The following HINFP variants were observed in gnomAD, a reference collection of about 807,000 sequenced individuals.
The protein encoded by HINFP is histone H4 transcription factor.
HINFP carries 20 observed loss-of-function variants against 50.1 expected under a neutral mutation model. That is an observed-to-expected ratio of 0.40 (90% CI 0.28 to 0.58). HINFP has a LOEUF of 0.58. Among genes scored for constraint, HINFP ranks in the 20% least tolerant of loss-of-function variants. HINFP has a pLI of 0.45. For synonymous variants in HINFP, 247 were observed against 243.7 expected (o/e 1.01, Z -0.13); for missense variants, 505 against 664.1 (o/e 0.76, Z 2.63).
intron 1 of HINFP, chr11:119,123,722 T>A (rs1392224379): frequency 6.8e-6 from 1 of 147,264 alleles, no homozygotes; most frequent in Admixed American, 6.8e-5. Context: ...TTTTTTTTTT[T>A]TTTTTTTTTG....
chr11:119,126,589 C>G (rs934994157), intron 1 of HINFP: 110 of 176,598 alleles, frequency 6.2e-4, no homozygotes, highest in African/African-American at 2.5e-3. Context: ...CCTGATCCTT[C>G]TCAAAAGCCA....
intron 2 of HINFP, among the ~76,000 whole-genome samples, chr11:119,129,087 C>T (rs1947595112): frequency 6.6e-6 from 1 of 152,000 alleles, no homozygotes; most frequent in African/African-American, 2.4e-5. Flanking sequence ...GTTGCTCAGG[C>T]TAGAGTGCAA....
At position 119,134,363 on chromosome 11, in the gene HINFP, A is replaced by G; in HGVS notation, c.1419A>G (p.Gln473=). 1.2e-6 allele frequency: 2 copies of G among 1,614,170 alleles called. No individual in the cohort carries two copies. Among genetic ancestry groups the G allele is most frequent in the Non-Finnish European group, 8.5e-7 (1 of 1,180,000 alleles). ...VIHVVNQTNA[Q]GQQEIVYYVL... ...ACGTGGTGAATCAGACCAATGCCCA[A>G]GGCCAGCAAGAGATCGTCTACTATG... Residue 473 remains glutamine, a synonymous_variant, in exon 10 of 10, where the codon CAA becomes CAG. Transcript: ENST00000350777. This position sits in a 1 kb window ranked among gnomAD's most constrained non-coding sequence, Gnocchi z 4.3.
At chr11:119,122,113 A>G (rs1461723949) in intron 1 of HINFP, 2 of 152,198 alleles carry the variant, frequency 1.3e-5, no homozygotes, top group Non-Finnish European at 2.9e-5. Flanking sequence ...TGAATACCAC[A>G]GTTCATTCAT....
chr11:119,132,025 T>G (rs200712858), intron 5 of HINFP, 43 bp downstream of exon 5: 2 of 1,608,658 alleles, frequency 1.2e-6, no homozygotes, highest in East Asian at 4.5e-5. Context: ...GCTGTCCTGC[T>G]TGGAATGGGT....
rs1413058372 is a variant in HINFP at position 119,134,548 on chromosome 11, G to C, written c.*50G>C. 1 of 1,455,714 alleles carries C rather than the reference G, an allele frequency of 6.9e-7. No individual in the cohort carries two copies. Among genetic ancestry groups the C allele is most frequent in the South Asian group, 1.3e-5 (1 of 74,692 alleles). The allele number at this position is 1,455,714 out of a possible 1,614,324, so 90.2% of individuals were successfully genotyped here. ...TCCCCAGGTCCTGAAGTTTGAGCCAGGCAAGTGGCAGTGCCCCTAGTGGGC... is the reference window on the plus strand; with the variant it reads ...TCCCCAGGTCCTGAAGTTTGAGCCACGCAAGTGGCAGTGCCCCTAGTGGGC... On this transcript the variant is annotated 3_prime_UTR_variant, in exon 10 of 10. Transcript: ENST00000350777. This position sits in a 1 kb window ranked among gnomAD's most constrained non-coding sequence, Gnocchi z 4.3.
intron 2 of HINFP, among the ~76,000 whole-genome samples, chr11:119,129,490 C>CTTTTTTTTCTTTTTTTTTTTTTTTTT (rs776476604): frequency 1.6e-5 from 2 of 124,192 alleles, no homozygotes; most frequent in African/African-American, 6.1e-5. Context: ...TTTTTCTTTT[C>CTTTTTTTTCTTTTTTTTTTTTTTTTT]TTTTTTTTTT....
In HINFP at chr11:119,134,804, T is replaced by G. The variant is rs1947984950; in HGVS notation, c.*306T>G. On this transcript the variant is annotated 3_prime_UTR_variant, in exon 10 of 10. Transcript: ENST00000350777. This position sits in a 1 kb window ranked among gnomAD's most constrained non-coding sequence, Gnocchi z 4.3. ...ACCCTCAAGATCTGCTTGACAGTGA[T>G]TAAATCCTTAGCTCACATCCATTCC... 1 of 272,196 alleles carries G rather than the reference T, an allele frequency of 3.7e-6. No homozygotes were observed. The highest frequency in any genetic ancestry group is 4.7e-5 in the Admixed American group (1 of 21,268). The allele number at this position is 272,196 out of a possible 1,614,324, so 16.9% of individuals were successfully genotyped here. A position where few individuals can be genotyped will look rare whatever the true frequency, so the allele number is the denominator to read the frequency against.
rs2134997144 is a variant in HINFP, at chr11:119,121,587, C to G, written c.-63C>G. ...CTTGACCGTCCCTCAAGCGCCTCTCCGGAGATGGTCTGAGGTGGGAGAAGA... is the reference window on the plus strand; with the variant it reads ...CTTGACCGTCCCTCAAGCGCCTCTCGGGAGATGGTCTGAGGTGGGAGAAGA... On this transcript the variant is annotated 5_prime_UTR_variant, in exon 1 of 10. Transcript: ENST00000350777. The G allele has an allele frequency of 6.6e-6, 1 of 152,434 alleles. No homozygotes were observed. Among genetic ancestry groups the G allele is most frequent in the South Asian group, 2.1e-4 (1 of 4,836 alleles). 9.4% of individuals were successfully genotyped at this position (152,434 alleles called of 1,614,324 possible).
chr11:119,126,430 T>G (rs1364526920), intron 1 of HINFP: 1 of 151,948 alleles, frequency 6.6e-6, no homozygotes, highest in Non-Finnish European at 1.5e-5. Flanking sequence ...AATAAAATGC[T>G]TACTGTGGTG....
rs1947996200 is a variant in HINFP at position 119,135,017 on chromosome 11, A to AGTT, written c.*519_*520insGTT. The stretch of plus-strand genomic sequence containing the variant: ...GGAGGCATTGAGCGTGTTTATTAAC[A>AGTT]AATTGTTTTTGGTAATAAAATAAAT... On this transcript the variant is annotated 3_prime_UTR_variant, in exon 10 of 10. Coordinates refer to ENST00000350777, the MANE Select transcript of HINFP (RefSeq NM_198971.3). 6.5e-6 allele frequency: 1 copy of AGTT among 153,178 alleles called. No homozygotes were observed. The highest frequency in any genetic ancestry group is 2.4e-5 in the African/African-American group (1 of 41,480). 9.5% of individuals were successfully genotyped at this position (153,178 alleles called of 1,614,324 possible). A position where few individuals can be genotyped will look rare whatever the true frequency, so the allele number is the denominator to read the frequency against.
rs769695532 is a variant in HINFP, at chr11:119,127,038, T to C, written c.94T>C (p.Phe32Leu). The C allele has an allele frequency of 3.7e-6, 6 of 1,614,102 alleles. No individual in the cohort carries two copies. The highest frequency in any genetic ancestry group is 4.2e-6 in the Non-Finnish European group (5 of 1,180,012). The change falls in exon 2 of 10, where the codon TTC becomes CTC. Residue 32 changes from phenylalanine to leucine, a missense_variant. Physicochemically the swap from Phe to Leu is conservative, Grantham distance 22 (BLOSUM62 0). Coordinates refer to ENST00000350777, the MANE Select transcript of HINFP (RefSeq NM_198971.3). ...CTTTGTGTGCTCAACCATGGAAAAG[T>C]TCTTTGAGCATGTCACTCAGCACCT... ...CSFVCSTMEKFFEHVTQHLQQ... is the reference protein window; with the variant it reads ...CSFVCSTMEKLFEHVTQHLQQ...
At position 119,132,544 on chromosome 11, in the gene HINFP, G is replaced by A. The variant is rs765481086; in HGVS notation, c.725G>A (p.Arg242Gln). ...SHCSKRFATE[R>Q]LLRDHMRNHV... ...TGTTCCAAGAGATTTGCCACAGAGC[G>A]GCTATTGCGGGACCACATGCGCAAC... The change falls in exon 6 of 10, where the codon CGG becomes CAG. Residue 242 changes from arginine to glutamine, a missense_variant. Transcript: ENST00000350777. 4 of 1,614,144 alleles carry A rather than the reference G, an allele frequency of 2.5e-6. No homozygotes were observed. The highest frequency in any genetic ancestry group is 1.1e-5 in the South Asian group (1 of 91,078).
At position 119,131,392 on chromosome 11, in the gene HINFP, C is replaced by A; in HGVS notation, c.412-143C>A. 1.5e-6 allele frequency: 1 copy of A among 674,652 alleles called. No individual in the cohort carries two copies. Among genetic ancestry groups the A allele is most frequent in the South Asian group, 1.6e-5 (1 of 60,722 alleles). 41.8% of individuals were successfully genotyped at this position (674,652 alleles called of 1,614,324 possible). On this transcript the variant is annotated intron_variant, in intron 3 of 9. Coordinates refer to ENST00000350777, the MANE Select transcript of HINFP (RefSeq NM_198971.3). This position sits in a 1 kb window ranked among gnomAD's most constrained non-coding sequence, Gnocchi z 4.2. Reference sequence around the variant, plus strand: ...GGTTTAGCAACCGCACCCGGCCACTCCTCCATTTCTGTGCAGTGCCTTTCC... The same window carrying A: ...GGTTTAGCAACCGCACCCGGCCACTACTCCATTTCTGTGCAGTGCCTTTCC...
At chr11:119,133,982 G>T (rs758805848) in intron 9 of HINFP, 102 bp from the exon 10 acceptor site, 1 of 1,517,200 alleles carries the variant, frequency 6.6e-7, no homozygotes, top group Non-Finnish European at 9.1e-7. Flanking sequence ...TGGATTCCAG[G>T]ACTTCTTCCA....
chr11:119,132,721 A>G lies in HINFP; in HGVS notation c.815A>G (p.Asn272Ser). ...MTCPLPSSLRNHMRFRHSEDR... is the reference protein window; with the variant it reads ...MTCPLPSSLRSHMRFRHSEDR... ...TGCCCGCTGCCTTCCTCCCTCCGCA[A>G]CCACATGCGCTTTCGTCACAGTGAG... Residue 272 changes from asparagine to serine, a missense_variant, in exon 7 of 10, where the codon AAC (asparagine) becomes AGC (serine). Asn to Ser is a conservative substitution (Grantham distance 46). Transcript: ENST00000350777. 1.2e-6 allele frequency: 2 copies of G among 1,613,866 alleles called. No homozygotes were observed. The highest frequency in any genetic ancestry group is 1.7e-6 in the Non-Finnish European group (2 of 1,180,004).
intron 2 of HINFP, 123 bp from the exon 3 acceptor site, chr11:119,130,602 A>AT: frequency 1.3e-6 from 1 of 745,460 alleles, no homozygotes; most frequent in South Asian, 1.7e-5. Context: ...AACCCTGGTA[A>AT]TTTGGTTAGA....
Position 119,136,050 on chromosome 11 carries a change from A to G in HINFP, c.*1552A>G, listed in dbSNP as rs199951506. ...CAAATAAATAAATAAATAAAGAAAG[A>G]AAAGAAAAACTGTGTGTGTCTATTT... On this transcript the variant is annotated 3_prime_UTR_variant, in exon 10 of 10. Coordinates refer to ENST00000350777, the MANE Select transcript of HINFP (RefSeq NM_198971.3). 1 of 151,656 alleles carries G rather than the reference A, an allele frequency of 6.6e-6. No individual in the cohort carries two copies. The highest frequency in any genetic ancestry group is 2.4e-5 in the African/African-American group (1 of 41,306). The allele number at this position is 151,656 out of a possible 1,614,324, so 9.4% of individuals were successfully genotyped here.
chr11:119,122,492 T>G (rs1190357294), intron 1 of HINFP, among the ~76,000 whole-genome samples: 1 of 152,182 alleles, frequency 6.6e-6, no homozygotes, highest in Non-Finnish European at 1.5e-5. Flanking sequence ...GGTTGAAGTT[T>G]TATGGTGTCA....
Sources: gnomAD v4.1 joint callset for allele counts (sites outside exome capture counted in the v4.1 genomes callset) on GRCh38, gnomAD v4.1.1 for gene constraint, Gnocchi (gnomAD v3.1) non-coding constraint, MANE v1.5 for transcripts, NCBI Gene and HGNC (gene_info 2026-07-23, HGNC 2026-07-21) for gene names.